The following CSNK1G1 variants were observed in gnomAD, a reference collection of about 807,000 sequenced individuals.
CSNK1G1 encodes casein kinase 1 gamma 1, also known as casein kinase I isoform gamma-1.
In CSNK1G1, 22 loss-of-function variants were observed where a neutral mutation model predicts 59.6. The observed-to-expected ratio is 0.37, with a 90% confidence interval of 0.26 to 0.53. The LOEUF is 0.53. CSNK1G1 is among the 20% of genes least tolerant of loss of function. The pLI, the probability that CSNK1G1 is intolerant of heterozygous loss-of-function variation, is 0.89. For synonymous variants in CSNK1G1, 179 were observed against 177.1 expected (o/e 1.01, Z -0.08); for missense variants, 384 against 519.5 (o/e 0.74, Z 2.54).
intron 2 of CSNK1G1, among the ~76,000 whole-genome samples, chr15:64,299,693 C>A (rs1895219862): frequency 6.6e-6 from 1 of 151,988 alleles, no homozygotes. Context: ...TTCCATCTCA[C>A]CCATAAATTC....
chr15:64,318,279 T>C (rs910630054), intron 1 of CSNK1G1, among the ~76,000 whole-genome samples: 3 of 152,100 alleles, frequency 2.0e-5, no homozygotes, highest in African/African-American at 7.2e-5. Context: ...TTCTAAACTT[T>C]ATGTGGTTCT....
chr15:64,180,502 A>T, intron 10 of CSNK1G1, 48 bp from the exon 11 acceptor site: 2 of 1,463,082 alleles, frequency 1.4e-6, no homozygotes, highest in Non-Finnish European at 1.9e-6. Flanking sequence ...GGCAACAGAA[A>T]TCTCTTGCCA....
At chr15:64,232,173 G>A (rs138161612) in intron 4 of CSNK1G1, among the ~76,000 whole-genome samples, 12 of 152,264 alleles carry the variant, frequency 7.9e-5, no homozygotes, top group African/African-American at 2.4e-4. Flanking sequence ...ATGCAGAATC[G>A]TGCAGATCTG....
rs536226371 is a variant in CSNK1G1, at chr15:64,189,886, T to G, written c.1108-9432A>C. Among the ~76,000 whole-genome samples, 24 of 150,700 alleles carry G rather than the reference T, an allele frequency of 1.6e-4. No individual in the cohort carries two copies. The East Asian group carries it at 4.3e-3, about 27-fold the overall frequency. ...CAGGCTGGAGTGCAGTGGCGCATTC[T>G]CGGCTCACTGCAAGCTCCGCCTCCC... On this transcript the variant is annotated intron_variant, in intron 10 of 11. Coordinates refer to ENST00000303052, the MANE Select transcript of CSNK1G1 (RefSeq NM_022048.5).
intron 4 of CSNK1G1, among the ~76,000 whole-genome samples, chr15:64,239,396 G>C (rs1029282920): frequency 6.6e-6 from 1 of 151,992 alleles, no homozygotes; most frequent in Admixed American, 6.6e-5. Context: ...TTTGTTTTGA[G>C]ACAGGATCTC....
chr15:64,336,519 G>A (rs926610023), intron 1 of CSNK1G1, among the ~76,000 whole-genome samples: 1 of 152,140 alleles, frequency 6.6e-6, no homozygotes. Context: ...CTACTCAAGA[G>A]ACTGAGGTGG....
At chr15:64,222,384 T>C (rs528815297) in intron 4 of CSNK1G1, among the ~76,000 whole-genome samples, 87 of 139,334 alleles carry the variant, frequency 6.2e-4, no homozygotes, top group African/African-American at 2.3e-3. Context: ...TGCACATGTA[T>C]CCCGTTTTTT....
intron 2 of CSNK1G1, among the ~76,000 whole-genome samples, chr15:64,262,122 A>T (rs1892728075): frequency 6.6e-6 from 1 of 152,162 alleles, no homozygotes; most frequent in Non-Finnish European, 1.5e-5. Flanking sequence ...AAGAGAACAG[A>T]AGTAGGGAAA....
intron 2 of CSNK1G1, among the ~76,000 whole-genome samples, chr15:64,286,422 T>C (rs1288252270): frequency 7.0e-6 from 1 of 143,586 alleles, no homozygotes; most frequent in Non-Finnish European, 1.6e-5. Flanking sequence ...TGTTAACTTC[T>C]AGTTTCACAG....
intron 10 of CSNK1G1, among the ~76,000 whole-genome samples, chr15:64,201,346 A>G (rs1013672270): frequency 1.3e-5 from 2 of 152,126 alleles, no homozygotes; most frequent in Non-Finnish European, 2.9e-5. Context: ...TACAATTCGT[A>G]AAATCAACAG....
In CSNK1G1 at chr15:64,217,650, T is replaced by C. The variant is rs188762605; in HGVS notation, c.293-937A>G. Among the ~76,000 whole-genome samples the C allele has an allele frequency of 2.9e-3, 440 of 152,118 alleles. 1 individual carries two copies. The highest frequency in any genetic ancestry group is 5.1e-3 in the Non-Finnish European group (348 of 67,956). On this transcript the variant is annotated intron_variant, in intron 4 of 11. Coordinates refer to ENST00000303052, the MANE Select transcript of CSNK1G1 (RefSeq NM_022048.5). ...CTGGCCAACATGGTGAAACTGTCTC[T>C]ACTGAAAATACAAAAATTAGCTGGG... is the stretch of plus-strand genomic sequence containing the variant.
chr15:64,299,346 TG>T (rs1244649189), intron 2 of CSNK1G1, among the ~76,000 whole-genome samples: 1 of 152,152 alleles, frequency 6.6e-6, no homozygotes, highest in Non-Finnish European at 1.5e-5. Flanking sequence ...CCCAGCACTT[TG>T]GGAGGCCGAG....
At position 64,204,518 on chromosome 15, in the gene CSNK1G1, G is replaced by A. The variant is rs759122459; in HGVS notation, c.922C>T (p.Arg308Trp). Reference sequence around the variant, plus strand: ...TCAAAGAGGTCTGTGAAGAGGGTCCGTAAATACTCATAATCAGGTTTTTCA... The same window carrying A: ...TCAAAGAGGTCTGTGAAGAGGGTCCATAAATACTCATAATCAGGTTTTTCA... ...FFEKPDYEYL[R>W]TLFTDLFEKK... Residue 308 changes from arginine to tryptophan, a missense_variant, in exon 9 of 12, where the codon CGG (arginine) becomes TGG (tryptophan). Coordinates refer to ENST00000303052, the MANE Select transcript of CSNK1G1 (RefSeq NM_022048.5). 23 of 1,613,586 alleles carry A rather than the reference G, an allele frequency of 1.4e-5. No homozygotes were observed. The highest frequency in any genetic ancestry group is 1.9e-5 in the Non-Finnish European group (22 of 1,179,760).
Position 64,200,291 on chromosome 15 carries a change from T to C in CSNK1G1, c.1107+2791A>G, listed in dbSNP as rs1287284525. On this transcript the variant is annotated intron_variant, in intron 10 of 11. Transcript: ENST00000303052. The surrounding 1 kb of genome is among the most constrained non-coding windows in gnomAD (Gnocchi z 4.3). ...GTTGACTGTGATATGACACTACTTA[T>C]CTATTTTTTCTTTACATACATTTTC... Among the ~76,000 whole-genome samples the C allele has an allele frequency of 6.6e-6, 1 of 152,168 alleles. No homozygotes were observed. The highest frequency in any genetic ancestry group is 6.5e-5 in the Admixed American group (1 of 15,278).
chr15:64,302,290 G>T (rs1293795188), intron 1 of CSNK1G1, among the ~76,000 whole-genome samples: 1 of 151,864 alleles, frequency 6.6e-6, no homozygotes, highest in African/African-American at 2.4e-5. Flanking sequence ...TAGTAGAGAC[G>T]GGGTTTCACC....
intron 1 of CSNK1G1, among the ~76,000 whole-genome samples, chr15:64,309,274 C>T (rs1234269018): frequency 6.7e-6 from 1 of 150,310 alleles, no homozygotes; most frequent in African/African-American, 2.4e-5. Context: ...TTTGCAGGGC[C>T]TAGCATGGTA....
intron 2 of CSNK1G1, among the ~76,000 whole-genome samples, chr15:64,264,885 G>A (rs1892898673): frequency 6.6e-6 from 1 of 152,082 alleles, no homozygotes; most frequent in Non-Finnish European, 1.5e-5. Context: ...ACATAATAAA[G>A]GCCATATATG....
intron 10 of CSNK1G1, among the ~76,000 whole-genome samples, chr15:64,184,562 A>G (rs1567360026): frequency 6.6e-6 from 1 of 151,338 alleles, no homozygotes; most frequent in African/African-American, 2.4e-5. Context: ...CTGTAATCCC[A>G]GCTACTCAGG....
At chr15:64,278,057 A>T (rs986252760) in intron 2 of CSNK1G1, among the ~76,000 whole-genome samples, 15 of 149,052 alleles carry the variant, frequency 1.0e-4, no homozygotes, top group East Asian at 5.8e-4. Flanking sequence ...AAATATATAT[A>T]TTTTTTGAGA....
Sources: gnomAD v4.1 joint callset for allele counts (sites outside exome capture counted in the v4.1 genomes callset) on GRCh38, gnomAD v4.1.1 for gene constraint, Gnocchi (gnomAD v3.1) non-coding constraint, MANE v1.5 for transcripts, NCBI Gene and HGNC (gene_info 2026-07-23, HGNC 2026-07-21) for gene names.